Variants in MGAT4C observed in about 807,000 individuals in gnomAD.
MGAT4C encodes the protein MGAT4 family member C.
Under a neutral mutation model 40.1 loss-of-function variants are expected in MGAT4C, and 19 were observed. That is an observed-to-expected ratio of 0.47 (90% confidence interval 0.33 to 0.70). The LOEUF (loss-of-function observed/expected upper bound fraction) is 0.70. Among genes scored for constraint, MGAT4C ranks in the 30% least tolerant of loss-of-function variants. The pLI is 0.02. For synonymous variants in MGAT4C, 181 were observed against 187.1 expected, an observed-to-expected ratio of 0.97 and a Z score of 0.27; for missense variants, 491 against 563.2, an observed-to-expected ratio of 0.87 and a Z score of 1.30.
intron 2 of MGAT4C, among the ~76,000 whole-genome samples, chr12:86,637,524 G>A (rs1304485221): frequency 6.6e-6 from 1 of 151,742 alleles, no homozygotes; most frequent in Non-Finnish European, 1.5e-5. Context: ...CCACTTTCTG[G>A]AATTCCTGTC....
At chr12:86,391,946 T>G (rs572638875) in intron 3 of MGAT4C, among the ~76,000 whole-genome samples, 4 of 152,196 alleles carry the variant, frequency 2.6e-5, no homozygotes, top group Non-Finnish European at 5.9e-5. Flanking sequence ...CTGTTACATT[T>G]TAGCAGAATA....
chr12:86,054,069 G>A (rs1316033064), intron 1 of MGAT4C, among the ~76,000 whole-genome samples: 1 of 151,974 alleles, frequency 6.6e-6, no homozygotes, highest in East Asian at 1.9e-4. Context: ...ACTACCTTAT[G>A]ATCTAGCCAT....
At chr12:86,719,647 A>G (rs1020929326) in intron 2 of MGAT4C, among the ~76,000 whole-genome samples, 1 of 152,104 alleles carries the variant, frequency 6.6e-6, no homozygotes, top group Non-Finnish European at 1.5e-5. Context: ...TTCCTTTTAC[A>G]TAAGAAGTGA....
intron 4 of MGAT4C, among the ~76,000 whole-genome samples, chr12:86,290,612 A>G (rs1244360337): frequency 6.6e-6 from 1 of 152,180 alleles, no homozygotes; most frequent in Non-Finnish European, 1.5e-5. Flanking sequence ...ATTTTAAACC[A>G]TAACCTGACA....
chr12:86,111,850 C>A (rs1480969173), intron 1 of MGAT4C, among the ~76,000 whole-genome samples: 4 of 151,860 alleles, frequency 2.6e-5, no homozygotes, highest in African/African-American at 4.8e-5. Context: ...TGCAAAATAT[C>A]TTTTCGATCT....
chr12:86,014,824 T>C (rs1290581925), intron 2 of MGAT4C, among the ~76,000 whole-genome samples: 1 of 151,918 alleles, frequency 6.6e-6, no homozygotes, highest in Non-Finnish European at 1.5e-5. Flanking sequence ...TTGAACAATT[T>C]ATTATTATTA....
intron 1 of MGAT4C, among the ~76,000 whole-genome samples, chr12:86,809,307 C>A (rs994380828): frequency 6.6e-6 from 1 of 152,006 alleles, no homozygotes; most frequent in African/African-American, 2.4e-5. Context: ...TAGTTGTTCA[C>A]CTGTTGGATA....
intron 2 of MGAT4C, among the ~76,000 whole-genome samples, chr12:86,010,672 T>C (rs1888366221): frequency 6.7e-6 from 1 of 150,022 alleles, no homozygotes; most frequent in African/African-American, 2.5e-5. Context: ...AGCAAGACTC[T>C]GTCTCTAACA....
chr12:86,370,323 C>T (rs1016059867), intron 3 of MGAT4C, among the ~76,000 whole-genome samples: 3 of 151,964 alleles, frequency 2.0e-5, no homozygotes, highest in Non-Finnish European at 4.4e-5. Flanking sequence ...GATACTTCCA[C>T]TGAAACTGGA....
At chr12:86,204,295 A>T (rs951301950) in intron 1 of MGAT4C, among the ~76,000 whole-genome samples, 1 of 152,088 alleles carries the variant, frequency 6.6e-6, no homozygotes. Context: ...ATAGTATGTG[A>T]GTGAATTTAA....
At chr12:86,138,744 C>A (rs1483434046) in intron 1 of MGAT4C, among the ~76,000 whole-genome samples, 4 of 150,916 alleles carry the variant, frequency 2.7e-5, no homozygotes, top group Non-Finnish European at 4.4e-5. Context: ...TAGGTACTCA[C>A]ACTATGGAGG....
chr12:86,385,099 C>G (rs190678140), intron 3 of MGAT4C, among the ~76,000 whole-genome samples: 21 of 152,224 alleles, frequency 1.4e-4, no homozygotes, highest in African/African-American at 5.1e-4. Flanking sequence ...GTGTAGTTTC[C>G]TACAGTATTC....
At chr12:86,323,187 A>G (rs1372429220) in intron 4 of MGAT4C, among the ~76,000 whole-genome samples, 1 of 151,504 alleles carries the variant, frequency 6.6e-6, no homozygotes, top group East Asian at 1.9e-4. Flanking sequence ...CTCCTGCTGG[A>G]AAAACAATTT....
chr12:86,510,343 C>G (rs1958551139), intron 2 of MGAT4C, among the ~76,000 whole-genome samples: 1 of 151,924 alleles, frequency 6.6e-6, no homozygotes, highest in Non-Finnish European at 1.5e-5. Context: ...GAAGGAAGCA[C>G]TAAACATGGA....
intron 4 of MGAT4C, among the ~76,000 whole-genome samples, chr12:86,303,182 A>G (rs1953856304): frequency 6.6e-6 from 1 of 150,638 alleles, no homozygotes; most frequent in South Asian, 2.1e-4. Context: ...AGACAGGAGA[A>G]CTTAGAATTT....
chr12:86,108,671 G>T (rs141696970), intron 1 of MGAT4C, among the ~76,000 whole-genome samples: 87 of 152,220 alleles, frequency 5.7e-4, no homozygotes, highest in African/African-American at 2.0e-3. Context: ...GACATATAGG[G>T]CCTAATTGTA....
chr12:86,411,345 T>C (rs1450848110), intron 3 of MGAT4C, among the ~76,000 whole-genome samples: 6 of 152,162 alleles, frequency 3.9e-5, no homozygotes, highest in African/African-American at 7.2e-5. Context: ...GATAGTGATA[T>C]GGATAGTGAA....
Position 86,216,064 on chromosome 12 carries a change from TGAGACTCCAG to T in MGAT4C, c.-57+40165_-57+40174del, listed in dbSNP as rs570676980. 3.9e-4 allele frequency among the ~76,000 whole-genome samples: 59 copies of T among 152,310 alleles called. No homozygotes were observed. In the East Asian group the frequency reaches 0.011, roughly 29 times the overall value. Reference sequence around the variant, plus strand: ...ATGAGATTTTTAAATCCAAGGAGTCTGAGACTCCAGGAGACTAGGACTCCATTTTCTGGGA... The same window carrying T: ...ATGAGATTTTTAAATCCAAGGAGTCTGAGACTAGGACTCCATTTTCTGGGA... On this transcript the variant is annotated intron_variant, in intron 1 of 4. Coordinates refer to ENST00000611864, the MANE Select transcript of MGAT4C (RefSeq NM_001351288.2).
intron 1 of MGAT4C, among the ~76,000 whole-genome samples, chr12:86,832,771 G>A (rs931738898): frequency 1.3e-5 from 2 of 151,704 alleles, no homozygotes; most frequent in East Asian, 1.9e-4. Context: ...CTTATGCTAC[G>A]TAATCATGGA....
Sources: gnomAD v4.1 joint callset for allele counts (sites outside exome capture counted in the v4.1 genomes callset) on GRCh38, gnomAD v4.1.1 for gene constraint, MANE v1.5 for transcripts, NCBI Gene and HGNC (gene_info 2026-07-23, HGNC 2026-07-21) for gene names.